VWA3B: variants seen among roughly 807,000 people sequenced by gnomAD.
The protein encoded by VWA3B is von Willebrand factor A domain-containing protein 3B.
Under a neutral mutation model 158.3 loss-of-function variants are expected in VWA3B, and 138 were observed. The ratio of observed to expected loss-of-function variants is 0.87; its 90% CI spans 0.76 to 1.00. VWA3B has a LOEUF of 1.00. Ranked by LOEUF, VWA3B falls within the 50% of genes least tolerant of loss-of-function variation. The probability of loss-of-function intolerance (pLI) is 0.00; values close to 1 mark genes in which losing one functional copy is unlikely to be tolerated. For missense variants in VWA3B, 1,555 were observed against 1,565.1 expected (o/e 0.99, Z 0.11); for synonymous variants, 596 against 587.3 (o/e 1.01, Z -0.21).
intron 14 of VWA3B, among the ~76,000 whole-genome samples, chr2:98,218,889 A>T (rs72817764): frequency 7.2e-5 from 11 of 152,310 alleles, no homozygotes; most frequent in Non-Finnish European, 1.0e-4. Context: ...ACTAGTGAGG[A>T]TTGGAAACTT....
At position 98,180,996 on chromosome 2, in the gene VWA3B, G is replaced by A; in HGVS notation, c.1115-20G>A. 1 of 1,612,344 alleles carries A rather than the reference G, an allele frequency of 6.2e-7. No individual in the cohort carries two copies. The highest frequency in any genetic ancestry group is 8.5e-7 in the Non-Finnish European group (1 of 1,178,862). ...AATGGCTCATGCAGTATGAATGGCT[G>A]ACAAGCTGTGATTCTACAGAGTCAG... On this transcript the variant is annotated intron_variant, in intron 8 of 27. Coordinates refer to ENST00000477737, the MANE Select transcript of VWA3B (RefSeq NM_144992.5).
chr2:98,161,655 T>C (rs1032139374), intron 7 of VWA3B, among the ~76,000 whole-genome samples: 1 of 152,184 alleles, frequency 6.6e-6, no homozygotes, highest in Admixed American at 6.5e-5. Context: ...TACAGGGAGA[T>C]GCCCATCTAT....
chr2:98,130,259 G>A (rs1029093042), intron 6 of VWA3B, among the ~76,000 whole-genome samples: 6 of 152,032 alleles, frequency 3.9e-5, no homozygotes, highest in Admixed American at 2.6e-4. Context: ...GCCCTAAGGC[G>A]GTTTTCCCCT....
At position 98,270,671 on chromosome 2, in the gene VWA3B, T is replaced by G. The variant is rs2105886479; in HGVS notation, c.2844-11T>G. The G allele has an allele frequency of 1.2e-6, 2 of 1,606,146 alleles. No homozygotes were observed. The highest frequency in any genetic ancestry group is 4.5e-5 in the East Asian group (2 of 44,792). On this transcript the variant is annotated splice_polypyrimidine_tract_variant and intron_variant, in intron 21 of 27. Transcript: ENST00000477737. The stretch of plus-strand genomic sequence containing the variant: ...TTCCTCTGTTTGTTTGTTTGTTTCT[T>G]TGTTTTTTAGGTTAGATGCAAACAA...
At position 98,136,775 on chromosome 2, in the gene VWA3B, T is replaced by C. The variant is rs1037930122; in HGVS notation, c.988+2836T>C. Among the ~76,000 whole-genome samples, 4 of 152,144 alleles carry C rather than the reference T, an allele frequency of 2.6e-5. 1 individual carries two copies. The highest frequency in any genetic ancestry group is 4.4e-5 in the Non-Finnish European group (3 of 68,012). ...TGTATGAATTTTGGAGGGACACATA[T>C]ATTCAAATCACTGCACCCCATTTGT... On this transcript the variant is annotated intron_variant, in intron 7 of 27. Transcript: ENST00000477737.
the VWA3B span, among the ~76,000 whole-genome samples, chr2:98,327,771 A>G: frequency 6.6e-6 from 1 of 152,206 alleles, no homozygotes; most frequent in African/African-American, 2.4e-5. Context: ...AAAGTCTGTC[A>G]GCAACAAACT....
chr2:98,120,429 G>C (rs1280178088), intron 4 of VWA3B, among the ~76,000 whole-genome samples: 3 of 152,138 alleles, frequency 2.0e-5, no homozygotes, highest in African/African-American at 7.2e-5. Context: ...ACATCTTTGG[G>C]GACAATGCCT....
chr2:98,219,961 A>G (rs1684352607), intron 14 of VWA3B, among the ~76,000 whole-genome samples: 1 of 151,996 alleles, frequency 6.6e-6, no homozygotes, highest in Admixed American at 6.6e-5. Flanking sequence ...TCAGGAATTC[A>G]AGACCAGCCT....
At chr2:98,258,543 G>A (rs567904503) in intron 21 of VWA3B, among the ~76,000 whole-genome samples, 1 of 151,864 alleles carries the variant, frequency 6.6e-6, no homozygotes, top group South Asian at 2.1e-4. Flanking sequence ...ATGTTATATA[G>A]TTTTCAGTAT....
intron 2 of VWA3B, among the ~76,000 whole-genome samples, chr2:98,111,766 T>TTAAC (rs951408049): frequency 4.6e-5 from 7 of 152,284 alleles, no homozygotes; most frequent in African/African-American, 1.7e-4. Flanking sequence ...GCTGAATAGT[T>TTAAC]TAACTTCCTT....
At chr2:98,134,448 T>C (rs1475998055) in intron 7 of VWA3B, among the ~76,000 whole-genome samples, 1 of 152,170 alleles carries the variant, frequency 6.6e-6, no homozygotes, top group Non-Finnish European at 1.5e-5. Context: ...TCAGAGAACT[T>C]AATGAGCACA....
At chr2:98,100,115 T>C (rs999483971) in intron 2 of VWA3B, among the ~76,000 whole-genome samples, 1 of 152,212 alleles carries the variant, frequency 6.6e-6, no homozygotes, top group Admixed American at 6.5e-5. Context: ...TGATGTCATG[T>C]TTCCTGGATC....
intron 14 of VWA3B, among the ~76,000 whole-genome samples, chr2:98,227,986 G>T (rs1299366779): frequency 1.3e-5 from 2 of 152,168 alleles, no homozygotes; most frequent in African/African-American, 2.4e-5. Context: ...TCCTGATACA[G>T]TTGGCTTTCT....
At chr2:98,101,743 T>A (rs1396297670) in intron 2 of VWA3B, among the ~76,000 whole-genome samples, 4 of 152,062 alleles carry the variant, frequency 2.6e-5, no homozygotes. Context: ...CATCTAAATA[T>A]CTTTTGAGTA....
chr2:98,164,311 TATTCACC>T (rs1254766270), intron 8 of VWA3B, among the ~76,000 whole-genome samples: 1 of 152,240 alleles, frequency 6.6e-6, no homozygotes, highest in Non-Finnish European at 1.5e-5. Flanking sequence ...GCATTTCTGA[TATTCACC>T]TAACACTCTT....
intron 19 of VWA3B, among the ~76,000 whole-genome samples, chr2:98,248,865 TTC>T (rs746021877): frequency 3.4e-5 from 1 of 29,038 alleles, no homozygotes; most frequent in Non-Finnish European, 5.6e-5. Flanking sequence ...CTTTCTTTCT[TTC>T]TTTCTTTCTT....
In VWA3B at chr2:98,181,044, A is replaced by C. The variant is rs750619370; in HGVS notation, c.1143A>C (p.Ala381=). The C allele has an allele frequency of 2.6e-5, 42 of 1,614,122 alleles. No individual in the cohort carries two copies. The highest frequency in any genetic ancestry group is 3.5e-5 in the Non-Finnish European group (41 of 1,180,042). Residue 381 remains alanine (A), a synonymous_variant, in exon 9 of 28, where the codon GCA becomes GCC. Coordinates refer to ENST00000477737, the MANE Select transcript of VWA3B (RefSeq NM_144992.5). The stretch of plus-strand genomic sequence containing the variant: ...CAGAAACAACCTCTGTTGAGATTGC[A>C]TCGAATCCAGAAGACACCTGGGACT... ...CESETTSVEI[A]SNPEDTWDSK...
At chr2:98,224,920 A>G (rs1684793570) in intron 14 of VWA3B, among the ~76,000 whole-genome samples, 1 of 152,216 alleles carries the variant, frequency 6.6e-6, no homozygotes, top group Non-Finnish European at 1.5e-5. Flanking sequence ...ATTATACACT[A>G]TGATCAAGGG....
At chr2:98,258,446 G>A (rs773627893) in intron 21 of VWA3B, among the ~76,000 whole-genome samples, 3 of 151,802 alleles carry the variant, frequency 2.0e-5, no homozygotes, top group Non-Finnish European at 4.4e-5. Context: ...GCTTTGAAGA[G>A]TATTACCATT....
Sources: gnomAD v4.1 joint callset for allele counts (sites outside exome capture counted in the v4.1 genomes callset) on GRCh38, gnomAD v4.1.1 for gene constraint, MANE v1.5 for transcripts, NCBI Gene and HGNC (gene_info 2026-07-23, HGNC 2026-07-21) for gene names.